Variants in KIAA0825 observed in about 807,000 individuals in gnomAD.
KIAA0825 encodes KIAA0825.
KIAA0825 carries 119 observed loss-of-function variants against 147.6 expected under a neutral mutation model. The ratio of observed to expected loss-of-function variants is 0.81; its 90% CI spans 0.69 to 0.94. The LOEUF is 0.94. KIAA0825 is among the 40% of genes least tolerant of loss of function. The pLI, the probability that KIAA0825 is intolerant of heterozygous loss-of-function variation, is 0.00. For missense variants in KIAA0825, 1,381 were observed against 1,472.7 expected, an observed-to-expected ratio of 0.94 and a Z score of 1.02; for synonymous variants, 470 against 518.1, an observed-to-expected ratio of 0.91 and a Z score of 1.26.
intron 12 of KIAA0825, among the ~76,000 whole-genome samples, chr5:94,454,478 T>C (rs1247882586): frequency 1.3e-5 from 2 of 152,230 alleles, no homozygotes; most frequent in African/African-American, 4.8e-5. Flanking sequence ...ATATATCATC[T>C]CTTCTTTAAA....
chr5:94,465,695 C>G (rs966952551), intron 10 of KIAA0825, among the ~76,000 whole-genome samples: 4 of 152,192 alleles, frequency 2.6e-5, no homozygotes, highest in Non-Finnish European at 5.9e-5. Context: ...AGCCTAGGCA[C>G]ATATTATCAT....
At chr5:94,508,442 C>T (rs1584724378) in intron 5 of KIAA0825, among the ~76,000 whole-genome samples, 1 of 151,994 alleles carries the variant, frequency 6.6e-6, no homozygotes, top group East Asian at 1.9e-4. Flanking sequence ...TAAAATGTTC[C>T]CAACCAAATC....
In KIAA0825 at chr5:94,369,345, A is replaced by G. The variant is rs184851750; in HGVS notation, c.3710+15023T>C. 1.9e-3 allele frequency among the ~76,000 whole-genome samples: 297 copies of G among 152,316 alleles called. 1 individual carries two copies. The highest frequency in any genetic ancestry group is 6.4e-3 in the African/African-American group (268 of 41,568). ...ATGACAAGCATTATTTAGCTAGCAT[A>G]GAATTTTTAAAAAATAGAATGTGAA... On this transcript the variant is annotated intron_variant, in intron 20 of 20. Coordinates refer to ENST00000682413, the MANE Select transcript of KIAA0825 (RefSeq NM_001145678.3).
chr5:94,597,683 C>T (rs1045099429), intron 1 of KIAA0825, among the ~76,000 whole-genome samples: 5 of 152,016 alleles, frequency 3.3e-5, no homozygotes, highest in African/African-American at 1.2e-4. Context: ...CATCATTAGG[C>T]AATTTTTTCA....
intron 17 of KIAA0825, among the ~76,000 whole-genome samples, chr5:94,395,362 G>A (rs571002232): frequency 1.1e-4 from 17 of 152,236 alleles, no homozygotes; most frequent in East Asian, 1.9e-4. Context: ...AGCATGTGTC[G>A]GTGTTTTTAA....
rs150044676 is a variant in KIAA0825 at position 94,252,458 on chromosome 5, T to G, written c.3711-98334A>C. On this transcript the variant is annotated intron_variant, in intron 20 of 20. Coordinates refer to ENST00000682413, the MANE Select transcript of KIAA0825 (RefSeq NM_001145678.3). Reference sequence around the variant, plus strand: ...GTACATATATGTGTGTGGGTGTGTATATATATATAGAGAGAGAGAGAGTGA... The same window carrying G: ...GTACATATATGTGTGTGGGTGTGTAGATATATATAGAGAGAGAGAGAGTGA... Among the ~76,000 whole-genome samples, 311 of 149,024 alleles carry G rather than the reference T, an allele frequency of 2.1e-3. 1 individual carries two copies. The highest frequency in any genetic ancestry group is 0.015 in the Admixed American group (223 of 14,968).
At chr5:94,462,312 A>G (rs1383630550) in intron 12 of KIAA0825, 75 bp downstream of exon 12, 2 of 786,842 alleles carry the variant, frequency 2.5e-6, no homozygotes, top group African/African-American at 1.8e-5. Flanking sequence ...ACATAATTCC[A>G]TAAGTGTTAT....
intron 20 of KIAA0825, among the ~76,000 whole-genome samples, chr5:94,206,827 T>G (rs1288411636): frequency 6.6e-6 from 1 of 152,164 alleles, no homozygotes; most frequent in Non-Finnish European, 1.5e-5. Flanking sequence ...TAACTTTTCC[T>G]TTCTTCCACC....
intron 20 of KIAA0825, among the ~76,000 whole-genome samples, chr5:94,223,949 T>A (rs1178507378): frequency 6.6e-6 from 1 of 152,110 alleles, no homozygotes; most frequent in Admixed American, 6.6e-5. Context: ...ATCCTCTGCA[T>A]TTGAAAGAGC....
chr5:94,441,890 G>A (rs1469898955), intron 13 of KIAA0825, among the ~76,000 whole-genome samples: 1 of 152,096 alleles, frequency 6.6e-6, no homozygotes, highest in African/African-American at 2.4e-5. Context: ...CTCTATCCCT[G>A]TGAAGTCTTC....
chr5:94,288,415 A>C (rs1329454943), intron 20 of KIAA0825, among the ~76,000 whole-genome samples: 1 of 152,202 alleles, frequency 6.6e-6, no homozygotes, highest in Non-Finnish European at 1.5e-5. Context: ...TTTCAAATAG[A>C]GACAGTTGTA....
chr5:94,284,585 A>G (rs1777587051), intron 20 of KIAA0825, among the ~76,000 whole-genome samples: 2 of 152,140 alleles, frequency 1.3e-5, no homozygotes, highest in African/African-American at 4.8e-5. Flanking sequence ...ACCTAGTACA[A>G]ACTTGGAGCT....
chr5:94,605,235 C>T (rs1320711761), intron 1 of KIAA0825, among the ~76,000 whole-genome samples: 5 of 152,022 alleles, frequency 3.3e-5, no homozygotes, highest in African/African-American at 1.2e-4. Flanking sequence ...AATCCCTGAA[C>T]AGAACAATAA....
intron 20 of KIAA0825, among the ~76,000 whole-genome samples, chr5:94,278,493 C>G (rs1777317447): frequency 6.6e-6 from 1 of 152,010 alleles, no homozygotes; most frequent in Non-Finnish European, 1.5e-5. Context: ...TTTCAAGGAA[C>G]TGAAAAAGAT....
intron 5 of KIAA0825, 141 bp from the exon 6 acceptor site, chr5:94,485,071 A>G (rs1439564051): frequency 4.1e-6 from 2 of 484,390 alleles, no homozygotes; most frequent in Non-Finnish European, 6.7e-6. Context: ...ATTAAGAAAT[A>G]CATATAAAAT....
intron 5 of KIAA0825, among the ~76,000 whole-genome samples, chr5:94,503,740 C>A (rs1213846816): frequency 6.6e-6 from 1 of 152,220 alleles, no homozygotes; most frequent in African/African-American, 2.4e-5. Flanking sequence ...AAGACCAACA[C>A]AAGAACCTCT....
chr5:94,340,805 G>A (rs1359399318), intron 20 of KIAA0825, among the ~76,000 whole-genome samples: 1 of 152,146 alleles, frequency 6.6e-6, no homozygotes, highest in Non-Finnish European at 1.5e-5. Flanking sequence ...GGTTGTAGTG[G>A]AGAAAAAGTA....
intron 2 of KIAA0825, among the ~76,000 whole-genome samples, chr5:94,574,918 AC>A (rs1300026783): frequency 6.6e-6 from 1 of 152,116 alleles, no homozygotes; most frequent in Non-Finnish European, 1.5e-5. Context: ...ATTTCTATGT[AC>A]TGGGATCCCA....
At chr5:94,193,214 G>C (rs1031773140) in intron 20 of KIAA0825, among the ~76,000 whole-genome samples, 11 of 152,118 alleles carry the variant, frequency 7.2e-5, no homozygotes, top group African/African-American at 2.7e-4. Context: ...TACCATGAGG[G>C]CGTGCCAGAA....
Sources: gnomAD v4.1 joint callset for allele counts (sites outside exome capture counted in the v4.1 genomes callset) on GRCh38, gnomAD v4.1.1 for gene constraint, MANE v1.5 for transcripts, NCBI Gene and HGNC (gene_info 2026-07-23, HGNC 2026-07-21) for gene names.